The following MARCHF8 variants were observed in gnomAD, a reference collection of about 807,000 sequenced individuals.
MARCHF8 encodes membrane associated ring-CH-type finger 8.
A neutral mutation model predicts 51.6 loss-of-function variants in MARCHF8; 40 were observed. The ratio of observed to expected loss-of-function variants is 0.77; its 90% confidence interval spans 0.60 to 1.01. The LOEUF (loss-of-function observed/expected upper bound fraction) is 1.01, where lower values mean the gene tolerates loss of function less well. Ranked by LOEUF, MARCHF8 falls within the 50% of genes least tolerant of loss-of-function variation. MARCHF8 has a pLI of 0.00. For synonymous variants in MARCHF8, 263 were observed against 280.3 expected (o/e 0.94, Z 0.62); for missense variants, 685 against 708.6 (o/e 0.97, Z 0.38).
At chr10:45,594,351 A>T (rs1293542763) in exon 1 of MARCHF8, 1 of 152,258 alleles carries the variant, frequency 6.6e-6, no homozygotes, top group Non-Finnish European at 1.5e-5. Flanking sequence ...GTGCACACTC[A>T]GGCCAAAGAC....
chr10:45,495,206 T>C (rs1196563072), intron 2 of MARCHF8, among the ~76,000 whole-genome samples: 1 of 152,110 alleles, frequency 6.6e-6, no homozygotes, highest in Non-Finnish European at 1.5e-5. Context: ...TTTGCAATAT[T>C]AGACATTAAA....
chr10:45,545,322 A>G (rs1251486182), intron 1 of MARCHF8, among the ~76,000 whole-genome samples: 1 of 152,234 alleles, frequency 6.6e-6, no homozygotes, highest in East Asian at 1.9e-4. Context: ...TCCCTGAGAC[A>G]GCAGGCAAAA....
At position 45,461,299 on chromosome 10, in the gene MARCHF8, C is replaced by T. The variant is rs75069175; in HGVS notation, c.1201G>A (p.Asp401Asn). 8.7e-6 allele frequency: 14 copies of T among 1,604,294 alleles called. No homozygotes were observed. The highest frequency in any genetic ancestry group is 2.3e-5 in the East Asian group (1 of 43,684). ...TTGCAGAGCTCGCAGCAGCGCGTGT[C>T]GGAGCTCTTGATCCACTGCTGCAGG... is the stretch of plus-strand genomic sequence containing the variant. ...ACLQQWIKSS[D>N]TRCCELCKYE... Residue 401 changes from aspartate (D) to asparagine (N), a missense_variant, in exon 6 of 8, where the codon GAC becomes AAC. Asp to Asn is a conservative substitution (Grantham distance 23). Coordinates refer to ENST00000453424, the MANE Select transcript of MARCHF8 (RefSeq NM_001282866.2).
chr10:45,463,363 G>A lies in MARCHF8; in HGVS notation c.876C>T (p.Ser292=). Residue 292 remains serine, a synonymous_variant, in exon 5 of 8, where the codon TCC becomes TCT. Coordinates refer to ENST00000453424, the MANE Select transcript of MARCHF8 (RefSeq NM_001282866.2). ...CCATACTCCCTGCCAGCCCGCTGGAGGACTTGGCAGTGTGCAGGCGAGCAG... is the reference window on the plus strand; with the variant it reads ...CCATACTCCCTGCCAGCCCGCTGGAAGACTTGGCAGTGTGCAGGCGAGCAG... The part of the protein sequence containing the change: ...SCAARLHTAK[S]SSGLAGSMGF... 6.4e-7 allele frequency: 1 copy of A among 1,550,800 alleles called. No individual in the cohort carries two copies. Among genetic ancestry groups the A allele is most frequent in the Non-Finnish European group, 8.7e-7 (1 of 1,147,044 alleles).
At chr10:45,498,171 T>A (rs1350011841) in intron 2 of MARCHF8, among the ~76,000 whole-genome samples, 5 of 152,218 alleles carry the variant, frequency 3.3e-5, no homozygotes, top group Non-Finnish European at 7.3e-5. Flanking sequence ...ATATAAAGTA[T>A]GCATAATATA....
At chr10:45,590,846 C>G (rs1176599062) in intron 1 of MARCHF8, among the ~76,000 whole-genome samples, 1 of 152,214 alleles carries the variant, frequency 6.6e-6, no homozygotes, top group African/African-American at 2.4e-5. Flanking sequence ...TGAGCCCAAG[C>G]TAAGCCAACA....
chr10:45,476,671 AC>A (rs1030492678), intron 3 of MARCHF8, among the ~76,000 whole-genome samples: 6 of 151,812 alleles, frequency 4.0e-5, no homozygotes, highest in Non-Finnish European at 7.4e-5. Flanking sequence ...AAAAAAAAAA[AC>A]AAACAGAAAT....
intron 7 of MARCHF8, 126 bp from the exon 8 acceptor site, chr10:45,458,669 C>G: frequency 9.6e-7 from 1 of 1,042,572 alleles, no homozygotes; most frequent in East Asian, 2.6e-5. Flanking sequence ...GAGATGGAGT[C>G]TTGCTATGTT....
intron 3 of MARCHF8, among the ~76,000 whole-genome samples, chr10:45,483,698 C>T (rs561773809): frequency 7.9e-5 from 12 of 152,230 alleles, no homozygotes; most frequent in East Asian, 1.9e-4. Context: ...GTAAAGAATT[C>T]GTGACACATA....
chr10:45,584,989 A>G (rs1265859197), intron 1 of MARCHF8, among the ~76,000 whole-genome samples: 1 of 152,154 alleles, frequency 6.6e-6, no homozygotes, highest in Non-Finnish European at 1.5e-5. Context: ...GTGGGAGTTG[A>G]TTTATCTCCA....
At chr10:45,560,596 G>A (rs2044299236) in intron 1 of MARCHF8, among the ~76,000 whole-genome samples, 1 of 152,158 alleles carries the variant, frequency 6.6e-6, no homozygotes, top group African/African-American at 2.4e-5. Context: ...ACCCTCCTCG[G>A]GGTCTGTGAG....
intron 3 of MARCHF8, among the ~76,000 whole-genome samples, chr10:45,480,050 G>A (rs564615212): frequency 6.6e-6 from 1 of 152,156 alleles, no homozygotes; most frequent in Non-Finnish European, 1.5e-5. Flanking sequence ...ATGGAGATGA[G>A]AAACTTGTTG....
At position 45,456,268 on chromosome 10, in the gene MARCHF8, G is replaced by A. The variant is rs3740111; in HGVS notation, c.*1971C>T. 0.062 allele frequency: 9,515 copies of A among 152,426 alleles called. 338 individuals carry two copies. The highest frequency in any genetic ancestry group is 0.067 in the African/African-American group (2,781 of 41,534). The allele number at this position is 152,426 out of a possible 1,614,324, so 9.4% of individuals were successfully genotyped here. On this transcript the variant is annotated 3_prime_UTR_variant, in exon 8 of 8. Transcript: ENST00000453424. Reference sequence around the variant, plus strand: ...GAAGGGGTATGGGTAATTGCACTTCGGGGCACAGTGAACACAGGCACGGGC... The same window carrying A: ...GAAGGGGTATGGGTAATTGCACTTCAGGGCACAGTGAACACAGGCACGGGC...
At position 45,522,798 on chromosome 10, in the gene MARCHF8, A is replaced by T. The variant is rs1412937267; in HGVS notation, c.102+10312T>A. ...AAAAACACACAAATTCGGCATTAGG[A>T]TGACTGGATGAAAGGGATGACAGTT... is the stretch of plus-strand genomic sequence containing the variant. On this transcript the variant is annotated intron_variant, in intron 2 of 7. Transcript: ENST00000453424. Among the ~76,000 whole-genome samples the T allele has an allele frequency of 4.6e-5, 7 of 152,332 alleles. No homozygotes were observed. The South Asian group carries it at 1.2e-3, about 27-fold the overall frequency.
At chr10:45,554,172 C>A (rs2044226886) in intron 1 of MARCHF8, among the ~76,000 whole-genome samples, 1 of 152,110 alleles carries the variant, frequency 6.6e-6, no homozygotes, top group Non-Finnish European at 1.5e-5. Context: ...GCTTTTAATT[C>A]TTAAACTATT....
At chr10:45,509,657 G>C (rs1490434393) in intron 2 of MARCHF8, among the ~76,000 whole-genome samples, 1 of 152,170 alleles carries the variant, frequency 6.6e-6, no homozygotes, top group East Asian at 1.9e-4. Flanking sequence ...TGCCTTTACA[G>C]AGTCATCCTT....
At chr10:45,564,144 C>T (rs563478052) in intron 1 of MARCHF8, among the ~76,000 whole-genome samples, 61 of 152,286 alleles carry the variant, frequency 4.0e-4, no homozygotes, top group African/African-American at 1.4e-3. Flanking sequence ...GATGTGGTGG[C>T]AGGCACCTGT....
intron 1 of MARCHF8, among the ~76,000 whole-genome samples, chr10:45,563,922 G>GT (rs2044337057): frequency 6.6e-6 from 1 of 152,168 alleles, no homozygotes; most frequent in Admixed American, 6.5e-5. Flanking sequence ...CCCACCAAAA[G>GT]TAAGAGAAAG....
chr10:45,492,367 G>A (rs1168669041), intron 2 of MARCHF8, among the ~76,000 whole-genome samples: 4 of 150,780 alleles, frequency 2.7e-5, no homozygotes, highest in Non-Finnish European at 5.9e-5. Flanking sequence ...GTGCAATCTC[G>A]GCTCACTGCA....
Sources: gnomAD v4.1 joint callset for allele counts (sites outside exome capture counted in the v4.1 genomes callset) on GRCh38, gnomAD v4.1.1 for gene constraint, MANE v1.5 for transcripts, NCBI Gene and HGNC (gene_info 2026-07-23, HGNC 2026-07-21) for gene names.